ACAN: variants seen among roughly 807,000 people sequenced by gnomAD.
ACAN encodes the protein aggrecan.
ACAN carries 47 observed loss-of-function variants against 169.1 expected under a neutral mutation model. That is an observed-to-expected ratio of 0.28 (90% CI 0.22 to 0.35). The LOEUF (loss-of-function observed/expected upper bound fraction) is 0.35, where lower values mean the gene tolerates loss of function less well. ACAN is among the 10% of genes least tolerant of loss of function. The pLI is 1.00. For synonymous variants in ACAN, 1,115 were observed against 1,112.2 expected (o/e 1.00, Z -0.05); for missense variants, 2,716 against 2,759.9 (o/e 0.98, Z 0.36).
rs370458786 is a variant in ACAN at position 88,838,921 on chromosome 15, C to T, written c.329C>T (p.Pro110Leu). The T allele has an allele frequency of 1.6e-5, 26 of 1,613,888 alleles. No individual in the cohort carries two copies. Among genetic ancestry groups the T allele is most frequent in the Middle Eastern group, 1.6e-4 (1 of 6,084 alleles). Residue 110 changes from proline to leucine, a missense_variant, in exon 3 of 19, where the codon CCG becomes CTG. Pro to Leu is a moderately conservative substitution (Grantham distance 98, BLOSUM62 -3). Coordinates refer to ENST00000560601, the MANE Select transcript of ACAN (RefSeq NM_001369268.1). The surrounding 1 kb of genome is among the most constrained non-coding windows in gnomAD (Gnocchi z 5.1). ...GACAAGGTCTCACTGCCCAACTACC[C>T]GGCCATCCCCAGTGACGCCACCTTG... ...YQDKVSLPNY[P>L]AIPSDATLEV...
Position 88,874,520 on chromosome 15 carries a change from G to T in ACAN, c.*39G>T. 1 of 1,542,144 alleles carries T rather than the reference G, an allele frequency of 6.5e-7. No homozygotes were observed. Among genetic ancestry groups the T allele is most frequent in the Non-Finnish European group, 8.8e-7 (1 of 1,132,384 alleles). ...GACGCACCCAGGACGCTGAGCCCAGGAGCCTGCCAGGCTGACGTGCATCCC... is the reference window on the plus strand; with the variant it reads ...GACGCACCCAGGACGCTGAGCCCAGTAGCCTGCCAGGCTGACGTGCATCCC... On this transcript the variant is annotated 3_prime_UTR_variant, in exon 19 of 19. Transcript: ENST00000560601. This position sits in a 1 kb window ranked among gnomAD's most constrained non-coding sequence, Gnocchi z 7.3.
chr15:88,833,828 C>T (rs1896428976), intron 1 of ACAN, among the ~76,000 whole-genome samples: 1 of 151,716 alleles, frequency 6.6e-6, no homozygotes, highest in Non-Finnish European at 1.5e-5. Flanking sequence ...ACTCCTACAC[C>T]CCCGGACAAT....
chr15:88,864,004 G>A (rs1897244115), intron 13 of ACAN, among the ~76,000 whole-genome samples: 1 of 152,008 alleles, frequency 6.6e-6, no homozygotes, highest in African/African-American at 2.4e-5. Context: ...GGATCCCACT[G>A]CTACAAAAAA....
In ACAN at chr15:88,849,664, C is replaced by T; in HGVS notation, c.1959C>T (p.Val653=). The change falls in exon 10 of 19, where the codon GTC becomes GTT. Residue 653 remains valine (V), a synonymous_variant. Coordinates refer to ENST00000560601, the MANE Select transcript of ACAN (RefSeq NM_001369268.1). The surrounding 1 kb of genome is among the most constrained non-coding windows in gnomAD (Gnocchi z 5.1). ...CGGDKPGVRT[V]YLYPNQTGLP... The stretch of plus-strand genomic sequence containing the variant: ...GGGACAAGCCAGGCGTGAGAACGGT[C>T]TACCTCTACCCTAACCAGACGGGCC... The T allele has an allele frequency of 1.9e-6, 3 of 1,613,752 alleles. No homozygotes were observed. Among genetic ancestry groups the T allele is most frequent in the Non-Finnish European group, 2.5e-6 (3 of 1,179,876 alleles).
intron 1 of ACAN, among the ~76,000 whole-genome samples, chr15:88,805,884 C>T (rs1434551487): frequency 6.6e-6 from 1 of 152,216 alleles, no homozygotes; most frequent in South Asian, 2.1e-4. Context: ...CACACCCACA[C>T]GCCCAATCCC....
At position 88,839,117 on chromosome 15, in the gene ACAN, G is replaced by A. The variant is rs915296577; in HGVS notation, c.454+71G>A. On this transcript the variant is annotated intron_variant, in intron 3 of 18. Coordinates refer to ENST00000560601, the MANE Select transcript of ACAN (RefSeq NM_001369268.1). This position sits in a 1 kb window ranked among gnomAD's most constrained non-coding sequence, Gnocchi z 4.5. ...AACCAGAGCAGTCTCCGCAGTGCAG[G>A]CGCAGGCAGGCTGGCCTTCAAACCA... The A allele has an allele frequency of 9.0e-6, 14 of 1,550,628 alleles. No homozygotes were observed. The Admixed American group carries it at 1.6e-4, about 18-fold the overall frequency.
At position 88,855,399 on chromosome 15, in the gene ACAN, C is replaced by G; in HGVS notation, c.2814C>G (p.Pro938=). 1 of 1,613,730 alleles carries G rather than the reference C, an allele frequency of 6.2e-7. No homozygotes were observed. The highest frequency in any genetic ancestry group is 1.7e-5 in the Admixed American group (1 of 60,016). The change falls in exon 12 of 19, where the codon CCC becomes CCG. Residue 938 remains proline (P), a synonymous_variant. Coordinates refer to ENST00000560601, the MANE Select transcript of ACAN (RefSeq NM_001369268.1). The stretch of plus-strand genomic sequence containing the variant: ...GCACTCCTACGGTTGGTGAACTGCC[C>G]TCTGGAGCTGAGATCCTAGAGGGCT... ...WPSTPTVGEL[P]SGAEILEGSA...
rs375185916 is a variant in ACAN, at chr15:88,847,032, C to G, written c.1430-211C>G. Among the ~76,000 whole-genome samples the G allele has an allele frequency of 3.3e-4, 50 of 152,344 alleles. No individual in the cohort carries two copies. The East Asian group carries it at 5.8e-3, about 18-fold the overall frequency. On this transcript the variant is annotated intron_variant, in intron 7 of 18. Coordinates refer to ENST00000560601, the MANE Select transcript of ACAN (RefSeq NM_001369268.1). ...CTGGTGTGGCCTTGTTCCGTAATGG[C>G]CTTGGTGGGGTTCCCACGCAGGGGA...
At position 88,860,312 on chromosome 15, in the gene ACAN, C is replaced by T; in HGVS notation, c.6833-14C>T. 6.3e-7 allele frequency: 1 copy of T among 1,590,830 alleles called. No individual in the cohort carries two copies. Among genetic ancestry groups the T allele is most frequent in the Non-Finnish European group, 8.6e-7 (1 of 1,165,786 alleles). On this transcript the variant is annotated splice_polypyrimidine_tract_variant and intron_variant, in intron 12 of 18. Coordinates refer to ENST00000560601, the MANE Select transcript of ACAN (RefSeq NM_001369268.1). The stretch of plus-strand genomic sequence containing the variant: ...TGTGTTCTTGATGCTCAACCTCTCC[C>T]CTGGGGGTTGCAGCCCCCGCCAGGT...
intron 1 of ACAN, among the ~76,000 whole-genome samples, chr15:88,835,139 C>T (rs1049700387): frequency 2.7e-4 from 41 of 152,172 alleles, no homozygotes; most frequent in African/African-American, 9.4e-4. Context: ...CATCCCATAA[C>T]CTCCTCAAGA....
chr15:88,845,400 C>T, intron 6 of ACAN, 105 bp from the exon 7 acceptor site: 3 of 1,457,354 alleles, frequency 2.1e-6, no homozygotes, highest in Non-Finnish European at 1.8e-6. Flanking sequence ...CCTCCTGCCC[C>T]AGCAGGGAAG....
rs574395127 is a variant in ACAN, at chr15:88,871,495, C to T, written c.7174C>T (p.His2392Tyr). Residue 2392 changes from histidine to tyrosine, a missense_variant, in exon 15 of 19, where the codon CAC (histidine) becomes TAC (tyrosine). His to Tyr is a moderately conservative substitution (Grantham distance 83). This residue lies in a region of ACAN where 1,389 missense variants were observed against 1,363.7 expected (regional missense o/e 1.02). Coordinates refer to ENST00000560601, the MANE Select transcript of ACAN (RefSeq NM_001369268.1). The surrounding 1 kb of genome is among the most constrained non-coding windows in gnomAD (Gnocchi z 7.8). ...AERRCREQQS[H>Y]LSSIVTPEEQ... ...GCGCCGGTGTCGGGAGCAGCAGTCA[C>T]ACCTGAGCAGCATCGTCACCCCCGA... 2 of 1,613,824 alleles carry T rather than the reference C, an allele frequency of 1.2e-6. No homozygotes were observed. Among genetic ancestry groups the T allele is most frequent in the East Asian group, 2.2e-5 (1 of 44,878 alleles).
chr15:88,851,915 G>T lies in ACAN; in HGVS notation c.2148G>T (p.Glu716Asp). Residue 716 changes from glutamate to aspartate, a missense_variant, in exon 11 of 19, where the codon GAG becomes GAT. Glu to Asp is a conservative substitution (Grantham distance 45). This residue lies in a region of ACAN where 1,283 missense variants were observed against 1,281.5 expected (regional missense o/e 1.00). Coordinates refer to ENST00000560601, the MANE Select transcript of ACAN (RefSeq NM_001369268.1). The surrounding 1 kb of genome is among the most constrained non-coding windows in gnomAD (Gnocchi z 4.3). ...GTGTGGCTGCTGTCCCCGTAGAAGAGGAGACAACTGCTGTACCCTCAGGGG... is the reference window on the plus strand; with the variant it reads ...GTGTGGCTGCTGTCCCCGTAGAAGATGAGACAACTGCTGTACCCTCAGGGG... ...VPGVAAVPVEEETTAVPSGET... is the reference protein window; with the variant it reads ...VPGVAAVPVEDETTAVPSGET... 1 of 1,612,612 alleles carries T rather than the reference G, an allele frequency of 6.2e-7. No individual in the cohort carries two copies. The highest frequency in any genetic ancestry group is 8.5e-7 in the Non-Finnish European group (1 of 1,179,374).
chr15:88,843,713 G>T lies in ACAN; in HGVS notation c.1051+65G>T. On this transcript the variant is annotated intron_variant, in intron 6 of 18. Coordinates refer to ENST00000560601, the MANE Select transcript of ACAN (RefSeq NM_001369268.1). The surrounding 1 kb of genome is among the most constrained non-coding windows in gnomAD (Gnocchi z 4.0). ...TAAAATGGGGTCCTAGAGGGAAGAGGGGATCTTGGAAAGGGAGGGTTGGTT... is the reference window on the plus strand; with the variant it reads ...TAAAATGGGGTCCTAGAGGGAAGAGTGGATCTTGGAAAGGGAGGGTTGGTT... 3.3e-6 allele frequency: 5 copies of T among 1,498,976 alleles called. No homozygotes were observed. Among genetic ancestry groups the T allele is most frequent in the Non-Finnish European group, 4.5e-6 (5 of 1,122,518 alleles). The allele number at this position is 1,498,976 out of a possible 1,614,324, so 92.9% of individuals were successfully genotyped here.
rs1364192775 is a variant in ACAN at position 88,843,481 on chromosome 15, A to G, written c.884A>G (p.Asp295Gly). 1 of 1,612,036 alleles carries G rather than the reference A, an allele frequency of 6.2e-7. No homozygotes were observed. Among genetic ancestry groups the G allele is most frequent in the Non-Finnish European group, 8.5e-7 (1 of 1,179,332 alleles). Residue 295 changes from aspartate to glycine, a missense_variant, in exon 6 of 19, where the codon GAC becomes GGC. Asp to Gly is a moderately conservative substitution (Grantham distance 94, BLOSUM62 -1). This residue lies in a region of ACAN where 1,283 missense variants were observed against 1,281.5 expected (regional missense o/e 1.00). Transcript: ENST00000560601. The surrounding 1 kb of genome is among the most constrained non-coding windows in gnomAD (Gnocchi z 4.0). Reference protein sequence around the residue: ...QLYLAWQAGMDMCSAGWLADR... With the variant: ...QLYLAWQAGMGMCSAGWLADR... ...TACCTGGCCTGGCAGGCTGGCATGG[A>G]CATGTGCAGCGCCGGCTGGCTGGCC... is the stretch of plus-strand genomic sequence containing the variant.
At position 88,871,998 on chromosome 15, in the gene ACAN, C is replaced by T. The variant is rs1196946696; in HGVS notation, c.7220-5C>T. On this transcript the variant is annotated splice_region_variant and splice_polypyrimidine_tract_variant and intron_variant, in intron 15 of 18. Coordinates refer to ENST00000560601, the MANE Select transcript of ACAN (RefSeq NM_001369268.1). The surrounding 1 kb of genome is among the most constrained non-coding windows in gnomAD (Gnocchi z 7.8). The stretch of plus-strand genomic sequence containing the variant: ...TGATGCCTGACACCCTCACCCTTTC[C>T]CCAGACAATGCCCAAGACTACCAGT... 2 of 1,613,540 alleles carry T rather than the reference C, an allele frequency of 1.2e-6. No individual in the cohort carries two copies. Among genetic ancestry groups the T allele is most frequent in the Admixed American group, 3.3e-5 (2 of 60,006 alleles).
chr15:88,857,378 G>A lies in ACAN; in HGVS notation c.4793G>A (p.Gly1598Glu). 2 of 1,613,932 alleles carry A rather than the reference G, an allele frequency of 1.2e-6. No homozygotes were observed. ...GLPSGKEDLV[G>E]SASGDLDLGK... The stretch of plus-strand genomic sequence containing the variant: ...CCTTCTGGAAAAGAAGACTTGGTGG[G>A]GTCAGCTTCTGGAGACTTGGACTTG... Residue 1598 changes from glycine (G) to glutamate (E), a missense_variant, in exon 12 of 19, where the codon GGG becomes GAG. By Grantham distance (98) the Gly-to-Glu change is moderately conservative (BLOSUM62 -2). Transcript: ENST00000560601.
intron 6 of ACAN, among the ~76,000 whole-genome samples, chr15:88,844,387 T>C (rs963799314): frequency 2.6e-5 from 4 of 151,624 alleles, no homozygotes; most frequent in Non-Finnish European, 5.9e-5. Flanking sequence ...ATTATTATTA[T>C]TGTTGAGACA....
Position 88,843,750 on chromosome 15 carries a change from AG to A in ACAN, c.1051+106del. The A allele has an allele frequency of 7.0e-7, 1 of 1,425,306 alleles. No homozygotes were observed. Among genetic ancestry groups the A allele is most frequent in the Non-Finnish European group, 9.4e-7 (1 of 1,066,620 alleles). The allele number at this position is 1,425,306 out of a possible 1,614,324, so 88.3% of individuals were successfully genotyped here. On this transcript the variant is annotated intron_variant, in intron 6 of 18. Coordinates refer to ENST00000560601, the MANE Select transcript of ACAN (RefSeq NM_001369268.1). This position sits in a 1 kb window ranked among gnomAD's most constrained non-coding sequence, Gnocchi z 4.0. ...AGGGAGGGTTGGTTTTTGCCCTTGA[AG>A]GGGCCACGGGGTACCTGAACCCCAT...
Sources: allele counts gnomAD v4.1 joint callset (sites outside exome capture counted in the v4.1 genomes callset), GRCh38; gene constraint gnomAD v4.1.1; regional missense constraint gnomAD v4.1.1; non-coding constraint Gnocchi (gnomAD v3.1); transcripts MANE v1.5; gene names NCBI Gene and HGNC (gene_info 2026-07-23, HGNC 2026-07-21).